COMMD1: variants seen among roughly 807,000 people sequenced by gnomAD.
The protein encoded by COMMD1 is copper metabolism domain containing 1, also known as COMM domain-containing protein 1.
In COMMD1, 10 loss-of-function variants were observed where a neutral mutation model predicts 17.2. The observed-to-expected ratio is 0.58, with a 90% CI of 0.36 to 0.99. The LOEUF is 0.99. COMMD1 is among the 50% of genes least tolerant of loss of function. The pLI is 0.01. For synonymous variants in COMMD1, 97 were observed against 91.6 expected, an observed-to-expected ratio of 1.06 and a Z score of -0.34; for missense variants, 270 against 231.8, an observed-to-expected ratio of 1.17 and a Z score of -1.07.
chr2:61,963,809 G>C (rs753184950), intron 1 of COMMD1, among the ~76,000 whole-genome samples: 39 of 152,218 alleles, frequency 2.6e-4, no homozygotes, highest in Non-Finnish European at 5.4e-4. Context: ...GGAGAAAAGA[G>C]GCCTGGGCAC....
intron 2 of COMMD1, among the ~76,000 whole-genome samples, chr2:62,078,939 G>C (rs1190557234): frequency 6.6e-6 from 1 of 152,106 alleles, no homozygotes; most frequent in Non-Finnish European, 1.5e-5. Flanking sequence ...AAGCCTTCAG[G>C]TGGTAGGCTT....
intron 2 of COMMD1, among the ~76,000 whole-genome samples, chr2:62,003,615 C>T (rs1471091364): frequency 1.6e-5 from 2 of 125,466 alleles, no homozygotes; most frequent in Non-Finnish European, 3.1e-5. Flanking sequence ...TACACACACA[C>T]ACACACACAC....
At chr2:62,066,213 A>G (rs1671034224) in intron 2 of COMMD1, among the ~76,000 whole-genome samples, 1 of 152,168 alleles carries the variant, frequency 6.6e-6, no homozygotes, top group African/African-American at 2.4e-5. Flanking sequence ...AAAATGACCC[A>G]CAGATACTCC....
intron 2 of COMMD1, among the ~76,000 whole-genome samples, chr2:62,006,296 T>C (rs567179199): frequency 4.0e-4 from 60 of 151,236 alleles, no homozygotes; most frequent in Admixed American, 3.8e-3. Context: ...TGTATATATA[T>C]GTAACTAACC....
At chr2:61,900,991 G>A (rs1669644025), upstream of COMMD1, among the ~76,000 whole-genome samples, 1 of 152,020 alleles carries the variant, frequency 6.6e-6, no homozygotes, top group South Asian at 2.1e-4. Flanking sequence ...CTGTCACCCA[G>A]GCTGGAGTGC....
At chr2:61,966,753 T>C (rs2103711089) in intron 1 of COMMD1, among the ~76,000 whole-genome samples, 1 of 152,184 alleles carries the variant, frequency 6.6e-6, no homozygotes, top group East Asian at 1.9e-4. Context: ...AATTGTTAAA[T>C]TGAAAATTGT....
At chr2:62,130,098 C>G (rs1272336204) in intron 2 of COMMD1, among the ~76,000 whole-genome samples, 1 of 151,160 alleles carries the variant, frequency 6.6e-6, no homozygotes, top group Non-Finnish European at 1.5e-5. Flanking sequence ...CGGCGTGAAC[C>G]CGGGAGGCGG....
At chr2:62,104,767 C>A (rs551343888) in intron 2 of COMMD1, among the ~76,000 whole-genome samples, 12 of 152,076 alleles carry the variant, frequency 7.9e-5, no homozygotes, top group African/African-American at 2.9e-4. Flanking sequence ...ATGCTAGGTG[C>A]TAGAGATAAA....
At chr2:62,012,528 G>A (rs2103834370) in intron 2 of COMMD1, among the ~76,000 whole-genome samples, 1 of 152,052 alleles carries the variant, frequency 6.6e-6, no homozygotes, top group Admixed American at 6.5e-5. Context: ...ATGTTGGTGA[G>A]GCTGGTCTTG....
At chr2:62,116,267 G>T (rs1231080184) in intron 2 of COMMD1, among the ~76,000 whole-genome samples, 1 of 152,184 alleles carries the variant, frequency 6.6e-6, no homozygotes, top group Non-Finnish European at 1.5e-5. Context: ...ATCTCAGCCA[G>T]GACCATATTC....
intron 2 of COMMD1, among the ~76,000 whole-genome samples, chr2:62,028,003 C>G (rs774275756): frequency 2.6e-5 from 4 of 152,024 alleles, no homozygotes; most frequent in Non-Finnish European, 4.4e-5. Flanking sequence ...AATTTAGTTC[C>G]TGATTTTTAT....
intron 1 of COMMD1, among the ~76,000 whole-genome samples, chr2:61,960,199 G>C (rs867115744): frequency 6.6e-6 from 1 of 152,022 alleles, no homozygotes; most frequent in African/African-American, 2.4e-5. Flanking sequence ...TATAATCTTT[G>C]AAGAAGAACT....
intron 1 of COMMD1, among the ~76,000 whole-genome samples, chr2:61,979,129 A>G (rs988038249): frequency 2.0e-5 from 3 of 152,034 alleles, no homozygotes; most frequent in African/African-American, 4.8e-5. Context: ...TATCCTTCCC[A>G]GCCTCTGGTA....
chr2:62,063,222 A>AAAAAT (rs1041440442), intron 2 of COMMD1, among the ~76,000 whole-genome samples: 3 of 152,268 alleles, frequency 2.0e-5, no homozygotes, highest in Admixed American at 6.5e-5. Flanking sequence ...TCTCAAAAAT[A>AAAAAT]AAAATAAAAT....
intron 1 of COMMD1, among the ~76,000 whole-genome samples, chr2:61,925,715 C>T (rs986105499): frequency 6.6e-6 from 1 of 152,114 alleles, no homozygotes; most frequent in African/African-American, 2.4e-5. Context: ...GACTTGCCTG[C>T]TGTCTCATTT....
intron 2 of COMMD1, among the ~76,000 whole-genome samples, chr2:62,011,878 G>T (rs1201196636): frequency 6.6e-6 from 1 of 152,118 alleles, no homozygotes; most frequent in Non-Finnish European, 1.5e-5. Context: ...TGAGAATCAT[G>T]AAATAAGAAC....
chr2:62,002,849 C>CA (rs1026447573), intron 2 of COMMD1, among the ~76,000 whole-genome samples: 60 of 146,926 alleles, frequency 4.1e-4, no homozygotes, highest in African/African-American at 9.7e-4. Flanking sequence ...GACCCTGTTG[C>CA]AAAAAAAAAA....
chr2:62,135,776 G>A (rs1345327855), intron 2 of COMMD1, 55 bp from the exon 3 acceptor site: 1 of 893,580 alleles, frequency 1.1e-6, no homozygotes, highest in Non-Finnish European at 1.9e-6. Context: ...GGTCATGCCA[G>A]ATGGCCTTGG....
intron 1 of COMMD1, among the ~76,000 whole-genome samples, chr2:61,970,567 G>A (rs1393223452): frequency 6.6e-6 from 1 of 152,076 alleles, no homozygotes; most frequent in Non-Finnish European, 1.5e-5. Context: ...ATAAAAAAAA[G>A]TTTGGTACAT....
Sources: gnomAD v4.1 joint callset for allele counts (sites outside exome capture counted in the v4.1 genomes callset) on GRCh38, gnomAD v4.1.1 for gene constraint, MANE v1.5 for transcripts, NCBI Gene and HGNC (gene_info 2026-07-23, HGNC 2026-07-21) for gene names.